The following DLG2 variants were observed in gnomAD, a reference collection of about 807,000 sequenced individuals.
DLG2 encodes the protein disks large homolog 2.
DLG2 carries 45 observed loss-of-function variants against 132.5 expected under a neutral mutation model. The observed-to-expected ratio is 0.34, with a 90% CI of 0.27 to 0.44. The LOEUF is 0.44. DLG2 is among the 20% of genes least tolerant of loss of function. DLG2 has a pLI of 1.00. For synonymous variants in DLG2, 424 were observed against 419.6 expected (o/e 1.01, Z -0.13); for missense variants, 1,045 against 1,196.9 (o/e 0.87, Z 1.87).
intron 3 of DLG2, among the ~76,000 whole-genome samples, chr11:85,583,447 A>C (rs946183560): frequency 6.6e-6 from 1 of 151,584 alleles, no homozygotes; most frequent in Non-Finnish European, 1.5e-5. Flanking sequence ...TCAGCCTCTC[A>C]AAGTGCTGAG....
chr11:84,105,682 C>A (rs1278840138), intron 9 of DLG2, among the ~76,000 whole-genome samples: 1 of 151,898 alleles, frequency 6.6e-6, no homozygotes, highest in Non-Finnish European at 1.5e-5. Context: ...GTATTGAAAC[C>A]TTAGATAAAA....
intron 6 of DLG2, among the ~76,000 whole-genome samples, chr11:84,966,962 G>A (rs2053435010): frequency 6.6e-6 from 1 of 152,044 alleles, no homozygotes; most frequent in Non-Finnish European, 1.5e-5. Context: ...AGCGAGAAAT[G>A]GTTTGCCCTC....
intron 6 of DLG2, among the ~76,000 whole-genome samples, chr11:84,622,570 C>T (rs118113255): frequency 0.017 from 2,551 of 152,244 alleles, 24 homozygotes; most frequent in Non-Finnish European, 0.026. Context: ...ACCAGCAACA[C>T]GTGTTAGGTG....
intron 7 of DLG2, among the ~76,000 whole-genome samples, chr11:84,475,522 T>C (rs1214270891): frequency 6.6e-6 from 1 of 152,074 alleles, no homozygotes; most frequent in Non-Finnish European, 1.5e-5. Flanking sequence ...ATTTTACTCT[T>C]TGCCAGTGGG....
intron 21 of DLG2, among the ~76,000 whole-genome samples, chr11:83,485,658 GGA>G (rs1405586732): frequency 1.3e-5 from 2 of 152,172 alleles, no homozygotes; most frequent in Non-Finnish European, 2.9e-5. Flanking sequence ...TAGAAGGAAA[GGA>G]CACCTGTTTG....
intron 3 of DLG2, among the ~76,000 whole-genome samples, chr11:85,485,403 T>A (rs2093407539): frequency 6.6e-6 from 1 of 151,056 alleles, no homozygotes; most frequent in Non-Finnish European, 1.5e-5. Flanking sequence ...AATTGTGACA[T>A]CAAAAATTTA....
chr11:84,287,221 T>C (rs1332859512), intron 7 of DLG2, among the ~76,000 whole-genome samples: 2 of 152,192 alleles, frequency 1.3e-5, no homozygotes, highest in Admixed American at 1.3e-4. Flanking sequence ...GATTTTATCA[T>C]CTCACTAATT....
intron 19 of DLG2, among the ~76,000 whole-genome samples, chr11:83,553,625 T>C (rs144276393): frequency 1.3e-5 from 2 of 152,160 alleles, no homozygotes; most frequent in East Asian, 3.9e-4. Context: ...GCAAACACTT[T>C]TAGTACTCTT....
At chr11:85,373,728 T>A (rs968084885) in intron 3 of DLG2, among the ~76,000 whole-genome samples, 1 of 152,166 alleles carries the variant, frequency 6.6e-6, no homozygotes, top group Non-Finnish European at 1.5e-5. Flanking sequence ...TCCCTTTTCA[T>A]GCAATAAAAC....
At chr11:83,688,774 T>C (rs2080302617) in intron 18 of DLG2, among the ~76,000 whole-genome samples, 1 of 152,188 alleles carries the variant, frequency 6.6e-6, no homozygotes, top group African/African-American at 2.4e-5. Flanking sequence ...TTCCTACATA[T>C]AAGAGTTTGC....
chr11:85,435,879 G>T (rs1392858122), intron 3 of DLG2, among the ~76,000 whole-genome samples: 1 of 152,100 alleles, frequency 6.6e-6, no homozygotes, highest in Non-Finnish European at 1.5e-5. Context: ...AAAGAACAAA[G>T]CTGGAGGCAT....
chr11:84,437,360 G>C (rs1376966586), intron 7 of DLG2: 2 of 152,176 alleles, frequency 1.3e-5, no homozygotes, highest in Non-Finnish European at 2.9e-5. Flanking sequence ...AACCGGAAAG[G>C]TAATTTTCAA....
chr11:84,362,618 C>A (rs1380206103), intron 7 of DLG2, among the ~76,000 whole-genome samples: 10 of 152,004 alleles, frequency 6.6e-5, no homozygotes, highest in Admixed American at 5.9e-4. Flanking sequence ...ACTAACTCGT[C>A]ATCTAGCATT....
chr11:83,463,575 G>A (rs1222797360), intron 26 of DLG2, among the ~76,000 whole-genome samples: 3 of 152,232 alleles, frequency 2.0e-5, no homozygotes, highest in Admixed American at 6.5e-5. Context: ...GATCACTTGT[G>A]CTCAGGAGTT....
intron 15 of DLG2, among the ~76,000 whole-genome samples, chr11:83,906,100 TATATAC>T (rs1463529975): frequency 4.1e-3 from 300 of 73,444 alleles, no homozygotes; most frequent in Admixed American, 0.025. Flanking sequence ...TATATATATA[TATATAC>T]ATATATAGTT....
At chr11:84,628,211 T>A (rs2226636) in intron 6 of DLG2, among the ~76,000 whole-genome samples, 84,043 of 151,668 alleles carry the variant, frequency 0.55, 23,507 homozygotes, top group East Asian at 0.63. Flanking sequence ...ACACAGCACC[T>A]GGCACAGATT....
intron 19 of DLG2, among the ~76,000 whole-genome samples, chr11:83,607,054 G>C (rs114806906): frequency 0.017 from 2,538 of 152,374 alleles, 70 homozygotes; most frequent in African/African-American, 0.058. Flanking sequence ...CTCTAGCGCA[G>C]CCACATGGTG....
chr11:85,583,735 C>T (rs574262222), intron 3 of DLG2, among the ~76,000 whole-genome samples: 1 of 152,300 alleles, frequency 6.6e-6, no homozygotes, highest in South Asian at 2.1e-4. Flanking sequence ...TCATGAGATA[C>T]TTTCTCTTCC....
At chr11:84,026,722 G>A (rs924854168) in intron 11 of DLG2, among the ~76,000 whole-genome samples, 4 of 151,948 alleles carry the variant, frequency 2.6e-5, no homozygotes, top group African/African-American at 9.7e-5. Context: ...GGGCTAATGT[G>A]GAAGAAATTT....
Sources: gnomAD v4.1 joint callset for allele counts (sites outside exome capture counted in the v4.1 genomes callset) on GRCh38, gnomAD v4.1.1 for gene constraint, MANE v1.5 for transcripts, NCBI Gene and HGNC (gene_info 2026-07-23, HGNC 2026-07-21) for gene names.